The following SLC9A8 variants were observed in gnomAD, a reference collection of about 807,000 sequenced individuals.
The protein encoded by SLC9A8 is solute carrier family 9 member A8.
Under a neutral mutation model 66.6 loss-of-function variants are expected in SLC9A8, and 48 were observed. The observed-to-expected ratio is 0.72, with a 90% CI of 0.57 to 0.92. SLC9A8 has a LOEUF of 0.92. Ranked by LOEUF, SLC9A8 falls within the 40% of genes least tolerant of loss-of-function variation. SLC9A8 has a pLI of 0.00. For missense variants in SLC9A8, 599 were observed against 747.3 expected, an observed-to-expected ratio of 0.80 and a Z score of 2.31; for synonymous variants, 274 against 282.6, an observed-to-expected ratio of 0.97 and a Z score of 0.31.
rs2089899778 is a variant in SLC9A8, at chr20:49,886,575, C to T, written c.1492-177C>T. Reference sequence around the variant, plus strand: ...TGGGCATCCATTGTGCCCTGATGGACGTTCCTGCCTCCCTGCAGGCTCCCA... The same window carrying T: ...TGGGCATCCATTGTGCCCTGATGGATGTTCCTGCCTCCCTGCAGGCTCCCA... On this transcript the variant is annotated intron_variant, in intron 14 of 15. Coordinates refer to ENST00000361573, the MANE Select transcript of SLC9A8 (RefSeq NM_015266.3). The surrounding 1 kb of genome is among the most constrained non-coding windows in gnomAD (Gnocchi z 4.8). 8 of 657,972 alleles carry T rather than the reference C, an allele frequency of 1.2e-5. No individual in the cohort carries two copies. Among genetic ancestry groups the T allele is most frequent in the Non-Finnish European group, 2.0e-5 (8 of 393,778 alleles). 40.8% of individuals were successfully genotyped at this position (657,972 alleles called of 1,614,324 possible).
chr20:49,862,812 A>G lies in SLC9A8; in HGVS notation c.714-117A>G, dbSNP rs900407674. 3 of 767,058 alleles carry G rather than the reference A, an allele frequency of 3.9e-6. No individual in the cohort carries two copies. The African/African-American group carries it at 9.8e-5, about 25-fold the overall frequency. The allele number at this position is 767,058 out of a possible 1,614,324, so 47.5% of individuals were successfully genotyped here. On this transcript the variant is annotated intron_variant, in intron 8 of 15. Coordinates refer to ENST00000361573, the MANE Select transcript of SLC9A8 (RefSeq NM_015266.3). ...AATAAACGTTTGGCTGACTGAATGA[A>G]TGATGGTATGAATGAATGAATGAAT...
At chr20:49,832,967 A>C (rs6091055) in intron 3 of SLC9A8, among the ~76,000 whole-genome samples, 1 of 151,410 alleles carries the variant, frequency 6.6e-6, no homozygotes, top group Non-Finnish European at 1.5e-5. Flanking sequence ...GTGCAATGGC[A>C]TGGTCTCAGC....
intron 5 of SLC9A8, among the ~76,000 whole-genome samples, chr20:49,845,835 T>G (rs995086423): frequency 3.4e-4 from 52 of 152,094 alleles, no homozygotes; most frequent in South Asian, 4.1e-4. Flanking sequence ...ATGTTTTTTT[T>G]TTTGTTTTGT....
intron 5 of SLC9A8, 84 bp from the exon 6 acceptor site, chr20:49,849,495 C>T (rs1011191308): frequency 2.8e-5 from 29 of 1,034,380 alleles, no homozygotes; most frequent in African/African-American, 2.2e-4. Flanking sequence ...CAAGTCTGCA[C>T]GGAGGGCCAG....
intron 3 of SLC9A8, among the ~76,000 whole-genome samples, chr20:49,833,636 C>T (rs1194967840): frequency 6.6e-6 from 1 of 152,142 alleles, no homozygotes; most frequent in Non-Finnish European, 1.5e-5. Context: ...GTGTCTTTAG[C>T]ATGATGAGAT....
At chr20:49,844,619 TAA>T (rs35043669) in intron 4 of SLC9A8, among the ~76,000 whole-genome samples, 21,583 of 98,268 alleles carry the variant, frequency 0.22, 2,761 homozygotes, top group South Asian at 0.36. Context: ...CCCTGTATCT[TAA>T]AAAAAAAAAA....
chr20:49,864,960 G>A, intron 10 of SLC9A8, 116 bp downstream of exon 10: 1 of 693,378 alleles, frequency 1.4e-6, no homozygotes, highest in South Asian at 1.6e-5. Context: ...ACTCAGAAGA[G>A]CTTAAGTAAT....
intron 4 of SLC9A8, among the ~76,000 whole-genome samples, chr20:49,840,094 C>G (rs2087701583): frequency 6.6e-6 from 1 of 152,118 alleles, no homozygotes; most frequent in Non-Finnish European, 1.5e-5. Context: ...AAAAGTGACA[C>G]TCAGGGAGAT....
chr20:49,861,013 G>A (rs1158124517), intron 8 of SLC9A8, among the ~76,000 whole-genome samples: 1 of 152,194 alleles, frequency 6.6e-6, no homozygotes, highest in African/African-American at 2.4e-5. Flanking sequence ...GGGCAGGTGT[G>A]CCTGAGGGAG....
intron 5 of SLC9A8, among the ~76,000 whole-genome samples, chr20:49,845,424 C>T (rs550533698): frequency 2.6e-5 from 4 of 152,348 alleles, no homozygotes; most frequent in East Asian, 3.9e-4. Flanking sequence ...TGCATTGACT[C>T]GTCTTCCTGG....
intron 3 of SLC9A8, among the ~76,000 whole-genome samples, chr20:49,835,734 G>A (rs971317666): frequency 3.0e-5 from 4 of 133,440 alleles, no homozygotes; most frequent in African/African-American, 8.6e-5. Flanking sequence ...CACCCAGGCT[G>A]GAGTGCAGTG....
rs1568884187 is a variant in SLC9A8, at chr20:49,884,288, C to CA, written c.1491+222_1491+223insA. The CA allele has an allele frequency of 6.2e-3, 728 of 118,246 alleles. 83 individuals carry two copies. The highest frequency in any genetic ancestry group is 7.3e-3 in the African/African-American group (60 of 8,208). 7.3% of individuals were successfully genotyped at this position (118,246 alleles called of 1,614,324 possible). ...CACACACACACGACACACACACACA[C>CA]GACACACACACACACACACACACAC... On this transcript the variant is annotated intron_variant, in intron 14 of 15. Transcript: ENST00000361573.
At chr20:49,847,907 G>GT (rs3091810) in intron 5 of SLC9A8, among the ~76,000 whole-genome samples, 6,543 of 115,166 alleles carry the variant, frequency 0.057, 780 homozygotes, top group East Asian at 0.34. Context: ...TGATTAATCT[G>GT]TTTTTTTTTT....
chr20:49,881,066 G>A, intron 13 of SLC9A8, 31 bp downstream of exon 13: 1 of 1,501,762 alleles, frequency 6.7e-7, no homozygotes, highest in Non-Finnish European at 9.3e-7. Flanking sequence ...ATGGGGTGGG[G>A]AAGTACCTGT....
At position 49,886,181 on chromosome 20, in the gene SLC9A8, C is replaced by G. The variant is rs1484142784; in HGVS notation, c.1492-571C>G. Among the ~76,000 whole-genome samples, 1 of 151,994 alleles carries G rather than the reference C, an allele frequency of 6.6e-6. No individual in the cohort carries two copies. The highest frequency in any genetic ancestry group is 2.4e-5 in the African/African-American group (1 of 41,370). On this transcript the variant is annotated intron_variant, in intron 14 of 15. Transcript: ENST00000361573. The surrounding 1 kb of genome is among the most constrained non-coding windows in gnomAD (Gnocchi z 4.8). ...CCCCACTGAGACTCCTCCAGCAGAG[C>G]AGGCGCTGCACTCAGAGCCTGTCTG...
At chr20:49,872,265 A>G (rs1434392211) in intron 10 of SLC9A8, among the ~76,000 whole-genome samples, 1 of 152,194 alleles carries the variant, frequency 6.6e-6, no homozygotes, top group Non-Finnish European at 1.5e-5. Flanking sequence ...CTGTAGGGGA[A>G]ACTGAAGAGC....
At chr20:49,818,051 A>T (rs1300692537) in intron 2 of SLC9A8, among the ~76,000 whole-genome samples, 1 of 151,986 alleles carries the variant, frequency 6.6e-6, no homozygotes, top group Non-Finnish European at 1.5e-5. Flanking sequence ...TTTTGTAATC[A>T]CTTTTTTTTT....
intron 4 of SLC9A8, among the ~76,000 whole-genome samples, chr20:49,839,890 C>G (rs970770188): frequency 2.6e-5 from 4 of 152,080 alleles, no homozygotes; most frequent in African/African-American, 9.7e-5. Context: ...GGAAAATTCT[C>G]TAATTAGCAT....
intron 14 of SLC9A8, among the ~76,000 whole-genome samples, chr20:49,885,966 G>A (rs778096655): frequency 6.6e-5 from 10 of 152,236 alleles, no homozygotes; most frequent in Non-Finnish European, 1.0e-4. Context: ...GCAGGTGGCT[G>A]CGGTGGGCTC....
Sources: gnomAD v4.1 joint callset for allele counts (sites outside exome capture counted in the v4.1 genomes callset) on GRCh38, gnomAD v4.1.1 for gene constraint, Gnocchi (gnomAD v3.1) non-coding constraint, MANE v1.5 for transcripts, NCBI Gene and HGNC (gene_info 2026-07-23, HGNC 2026-07-21) for gene names.